Variants in SSH1 observed in about 807,000 individuals in gnomAD.
The protein encoded by SSH1 is slingshot protein phosphatase 1.
In SSH1, 43 loss-of-function variants were observed where a neutral mutation model predicts 79.7. That is an observed-to-expected ratio of 0.54 (90% CI 0.42 to 0.70). SSH1 has a LOEUF of 0.70. Ranked by LOEUF, SSH1 falls within the 30% of genes least tolerant of loss-of-function variation. The pLI is 0.00. For synonymous variants in SSH1, 599 were observed against 538.3 expected, an observed-to-expected ratio of 1.11 and a Z score of -1.56; for missense variants, 1,206 against 1,358.8, an observed-to-expected ratio of 0.89 and a Z score of 1.77.
At chr12:108,823,988 C>T (rs80193791) in intron 2 of SSH1, among the ~76,000 whole-genome samples, 3,259 of 152,318 alleles carry the variant, frequency 0.021, 127 homozygotes, top group African/African-American at 0.075. Flanking sequence ...GAAAAGAGAA[C>T]AACTCCCTGA....
intron 2 of SSH1, among the ~76,000 whole-genome samples, chr12:108,840,894 A>G (rs969896752): frequency 3.3e-5 from 5 of 152,336 alleles, no homozygotes; most frequent in African/African-American, 1.2e-4. Context: ...GGGTCAGACC[A>G]TAGCCCTGAC....
chr12:108,803,263 A>G (rs572057594), intron 10 of SSH1, among the ~76,000 whole-genome samples: 1 of 151,986 alleles, frequency 6.6e-6, no homozygotes, highest in South Asian at 2.1e-4. Flanking sequence ...ATTTATTTCT[A>G]TTTTCAGACT....
rs532022370 is a variant in SSH1, at chr12:108,814,518, C to T, written c.401+2520G>A. ...TGGTGCCCGGGCAATGTGGGAGCTG[C>T]AGGAGAAGGCCCAGTTCCCAGCCCC... On this transcript the variant is annotated intron_variant, in intron 5 of 14. Transcript: ENST00000326495. Among the ~76,000 whole-genome samples, 8 of 152,148 alleles carry T rather than the reference C, an allele frequency of 5.3e-5. 1 individual carries two copies. In the East Asian group the frequency reaches 1.6e-3, roughly 29 times the overall value.
intron 13 of SSH1, among the ~76,000 whole-genome samples, chr12:108,798,448 C>T (rs2036843441): frequency 6.6e-6 from 1 of 152,226 alleles, no homozygotes; most frequent in African/African-American, 2.4e-5. Context: ...AAGCAATACT[C>T]CCATCTCAGT....
rs2036143547 is a variant in SSH1 at position 108,781,245 on chromosome 12, CCTAT to C, written c.*6739_*6742del. 6.6e-6 allele frequency: 1 copy of C among 151,636 alleles called. No individual in the cohort carries two copies. Among genetic ancestry groups the C allele is most frequent in the South Asian group, 2.1e-4 (1 of 4,800 alleles). 9.4% of individuals were successfully genotyped at this position (151,636 alleles called of 1,614,324 possible). On this transcript the variant is annotated 3_prime_UTR_variant, in exon 15 of 15. Coordinates refer to ENST00000326495, the MANE Select transcript of SSH1 (RefSeq NM_018984.4). Reference sequence around the variant, plus strand: ...ACCAGTCTGGGCAACATAGTGAGACCCTATCTTTTAAATAAATAAATAAATAAAT... The same window carrying C: ...ACCAGTCTGGGCAACATAGTGAGACCCTTTTAAATAAATAAATAAATAAAT...
intron 3 of SSH1, among the ~76,000 whole-genome samples, chr12:108,821,520 T>C (rs1048285563): frequency 6.6e-6 from 1 of 152,034 alleles, no homozygotes; most frequent in Non-Finnish European, 1.5e-5. Flanking sequence ...CTACTACAGG[T>C]AGGTATGTTA....
At chr12:108,796,414 T>G (rs1306719167) in intron 13 of SSH1, among the ~76,000 whole-genome samples, 1 of 152,226 alleles carries the variant, frequency 6.6e-6, no homozygotes, top group African/African-American at 2.4e-5. Flanking sequence ...GACTTTGACT[T>G]CTCTAAGTAT....
At chr12:108,797,635 G>A (rs1593021814) in intron 13 of SSH1, among the ~76,000 whole-genome samples, 1 of 152,346 alleles carries the variant, frequency 6.6e-6, no homozygotes, top group Middle Eastern at 3.4e-3. Flanking sequence ...CTGGATGTCG[G>A]AGAGAGTGGC....
chr12:108,783,651 C>T lies in SSH1; in HGVS notation c.*4337G>A, dbSNP rs938609184. The T allele has an allele frequency of 2.0e-5, 3 of 152,242 alleles. No homozygotes were observed. Among genetic ancestry groups the T allele is most frequent in the Non-Finnish European group, 4.4e-5 (3 of 68,066 alleles). The allele number at this position is 152,242 out of a possible 1,614,324, so 9.4% of individuals were successfully genotyped here. A position where few individuals can be genotyped will look rare whatever the true frequency, so the allele number is the denominator to read the frequency against. The stretch of plus-strand genomic sequence containing the variant: ...CCCAGGGCGGCACTGGTCACAGTTT[C>T]ATTCCAGATCGTTAAGGTGATTTGC... On this transcript the variant is annotated 3_prime_UTR_variant, in exon 15 of 15. Transcript: ENST00000326495.
chr12:108,824,464 AAAAGAAAG>A (rs527807719), intron 2 of SSH1, among the ~76,000 whole-genome samples: 3 of 151,166 alleles, frequency 2.0e-5, no homozygotes, highest in Admixed American at 1.3e-4. Flanking sequence ...CAAAAAAAAA[AAAAGAAAG>A]AAAGAAAGAA....
rs906403610 is a variant in SSH1, at chr12:108,779,863, C to T, written c.*8125G>A. 2 of 152,078 alleles carry T rather than the reference C, an allele frequency of 1.3e-5. No homozygotes were observed. Among genetic ancestry groups the T allele is most frequent in the Admixed American group, 6.6e-5 (1 of 15,266 alleles). 9.4% of individuals were successfully genotyped at this position (152,078 alleles called of 1,614,324 possible). ...CTAATTTTTGTATTTTTAGTTGAGA[C>T]GGCGTTTCACCATGTGAGCCAGGCT... is the stretch of plus-strand genomic sequence containing the variant. On this transcript the variant is annotated 3_prime_UTR_variant, in exon 15 of 15. Transcript: ENST00000326495.
chr12:108,832,637 C>T (rs2038502103), intron 2 of SSH1, among the ~76,000 whole-genome samples: 1 of 152,192 alleles, frequency 6.6e-6, no homozygotes, highest in African/African-American at 2.4e-5. Context: ...CTAAAGACTG[C>T]AGGTCGGATG....
intron 14 of SSH1, among the ~76,000 whole-genome samples, chr12:108,789,853 G>GTC (rs1035649620): frequency 2.0e-5 from 3 of 152,112 alleles, no homozygotes; most frequent in Non-Finnish European, 2.9e-5. Context: ...ACAGGGCTCT[G>GTC]TCTCTCTCTC....
chr12:108,854,101 G>A (rs1227487682), intron 1 of SSH1, among the ~76,000 whole-genome samples: 1 of 152,224 alleles, frequency 6.6e-6, no homozygotes, highest in Admixed American at 6.5e-5. Context: ...CAAAGAGTAT[G>A]TTGGGGTCTA....
chr12:108,809,661 AG>A (rs1482772874), intron 7 of SSH1, 31 bp downstream of exon 7: 1 of 1,575,474 alleles, frequency 6.3e-7, no homozygotes, highest in South Asian at 1.1e-5. Context: ...AAATATTTCT[AG>A]GGAGTTAAAA....
intron 2 of SSH1, among the ~76,000 whole-genome samples, chr12:108,837,697 G>C (rs1195323272): frequency 6.6e-6 from 1 of 152,042 alleles, no homozygotes; most frequent in African/African-American, 2.4e-5. Context: ...TAATGACCAA[G>C]TCAGAGTATC....
At chr12:108,826,800 T>C (rs186536943) in intron 2 of SSH1, among the ~76,000 whole-genome samples, 214 of 152,206 alleles carry the variant, frequency 1.4e-3, no homozygotes, top group Middle Eastern at 3.4e-3. Context: ...TCCACATTGG[T>C]GATGGCACGC....
rs191618085 is a variant in SSH1 at position 108,835,310 on chromosome 12, G to A, written c.111-11949C>T. 4.6e-5 allele frequency among the ~76,000 whole-genome samples: 7 copies of A among 152,236 alleles called. No individual in the cohort carries two copies. The South Asian group carries it at 6.2e-4, about 14-fold the overall frequency. On this transcript the variant is annotated intron_variant, in intron 2 of 14. Coordinates refer to ENST00000326495, the MANE Select transcript of SSH1 (RefSeq NM_018984.4). The stretch of plus-strand genomic sequence containing the variant: ...GGCTCAATTAGCCGAGCGTGGTGTC[G>A]TGCTCCTGTAATCCCAGCTATTGGG...
In SSH1 at chr12:108,788,777, C is replaced by T. The variant is rs746642834; in HGVS notation, c.2361G>A (p.Lys787=). ...SSPKKDMKPA[K]DLRLLFSNES... ...CATTACTGAACAGAAGCCTCAGGTC[C>T]TTGGCTGGCTTCATATCTTTCTTGG... is the stretch of plus-strand genomic sequence containing the variant. The change falls in exon 15 of 15, where the codon AAG becomes AAA. Residue 787 remains lysine (K), a synonymous_variant. Transcript: ENST00000326495. The T allele has an allele frequency of 6.2e-7, 1 of 1,614,270 alleles. No individual in the cohort carries two copies. The highest frequency in any genetic ancestry group is 8.5e-7 in the Non-Finnish European group (1 of 1,180,048).
Sources: gnomAD v4.1 joint callset for allele counts (sites outside exome capture counted in the v4.1 genomes callset) on GRCh38, gnomAD v4.1.1 for gene constraint, MANE v1.5 for transcripts, NCBI Gene and HGNC (gene_info 2026-07-23, HGNC 2026-07-21) for gene names.